Variants in CRX observed in about 807,000 individuals in gnomAD.
CRX encodes the protein cone-rod homeobox protein.
A neutral mutation model predicts 13.1 loss-of-function variants in CRX; 5 were observed. The observed-to-expected ratio is 0.38, with a 90% CI of 0.20 to 0.80. The LOEUF (loss-of-function observed/expected upper bound fraction) is 0.80. Ranked by LOEUF, CRX falls within the 30% of genes least tolerant of loss-of-function variation. CRX has a pLI of 0.43. For missense variants in CRX, 351 were observed against 391.8 expected, an observed-to-expected ratio of 0.90 and a Z score of 0.88; for synonymous variants, 179 against 171.1, an observed-to-expected ratio of 1.05 and a Z score of -0.36.
At chr19:47,829,826 C>A (rs12985036) in intron 1 of CRX, among the ~76,000 whole-genome samples, 1 of 147,294 alleles carries the variant, frequency 6.8e-6, no homozygotes, top group African/African-American at 2.5e-5. Flanking sequence ...GTGGAGACAG[C>A]GTTTTGCCAT....
rs906175654 is a variant in CRX at position 47,841,946 on chromosome 19, A to T, written c.*1979A>T. 2 of 152,044 alleles carry T rather than the reference A, an allele frequency of 1.3e-5. No homozygotes were observed. The highest frequency in any genetic ancestry group is 4.8e-5 in the African/African-American group (2 of 41,370). The allele number at this position is 152,044 out of a possible 1,614,324, so 9.4% of individuals were successfully genotyped here. On this transcript the variant is annotated 3_prime_UTR_variant, in exon 4 of 4. Coordinates refer to ENST00000221996, the MANE Select transcript of CRX (RefSeq NM_000554.6). The stretch of plus-strand genomic sequence containing the variant: ...AGGAAGAGGAAAAGGTTGGTTGTGG[A>T]GTGTTTGTCAGTTTCCGTGGTGTAA...
intron 3 of CRX, among the ~76,000 whole-genome samples, chr19:47,838,227 TG>T (rs35674030): frequency 0.18 from 26,840 of 152,094 alleles, 2,629 homozygotes; most frequent in Non-Finnish European, 0.22. Flanking sequence ...CATGTGTGTA[TG>T]GTGTATGCAT....
At position 47,836,428 on chromosome 19, in the gene CRX, C is replaced by T. The variant is rs372454643; in HGVS notation, c.252+34C>T. 1.9e-5 allele frequency: 31 copies of T among 1,613,940 alleles called. No individual in the cohort carries two copies. The African/African-American group carries it at 3.9e-4, about 20-fold the overall frequency. On this transcript the variant is annotated intron_variant, in intron 3 of 3. Transcript: ENST00000221996. The stretch of plus-strand genomic sequence containing the variant: ...GTGGGTCCCTGGACCCCTCCCGACA[C>T]TTCCTGTGATCTCAGGAGGCCTGCC...
rs536401910 is a variant in CRX, at chr19:47,839,343, T to G, written c.276T>G (p.Ala92=). Reference sequence around the variant, plus strand: ...AGGTTTGGTTCAAGAACCGGAGGGCTAAATGCAGGCAGCAGCGACAGCAGC... The same window carrying G: ...AGGTTTGGTTCAAGAACCGGAGGGCGAAATGCAGGCAGCAGCGACAGCAGC... The part of the protein sequence containing the change: ...RVQVWFKNRR[A]KCRQQRQQQK... Residue 92 remains alanine, a synonymous_variant, in exon 4 of 4, where the codon GCT becomes GCG. Transcript: ENST00000221996. This position sits in a 1 kb window ranked among gnomAD's most constrained non-coding sequence, Gnocchi z 4.6. 3.5e-5 allele frequency: 57 copies of G among 1,613,472 alleles called. No individual in the cohort carries two copies. The East Asian group carries it at 9.8e-4, about 28-fold the overall frequency.
At chr19:47,833,040 T>C (rs1968072317) in intron 1 of CRX, among the ~76,000 whole-genome samples, 2 of 120,390 alleles carry the variant, frequency 1.7e-5, no homozygotes, top group African/African-American at 3.1e-5. Flanking sequence ...TTTTTTTTTT[T>C]TTTTTTTTTT....
intron 1 of CRX, among the ~76,000 whole-genome samples, chr19:47,825,083 C>T (rs546174356): frequency 2.1e-4 from 31 of 149,300 alleles, no homozygotes; most frequent in Admixed American, 8.1e-4. Context: ...CTCCGCCTCC[C>T]GAGTTCAAGA....
At position 47,839,232 on chromosome 19, in the gene CRX, CA is replaced by C; in HGVS notation, c.253-86del. 7.1e-7 allele frequency: 1 copy of C among 1,416,116 alleles called. No individual in the cohort carries two copies. Among genetic ancestry groups the C allele is most frequent in the Non-Finnish European group, 9.6e-7 (1 of 1,038,328 alleles). The allele number at this position is 1,416,116 out of a possible 1,614,324, so 87.7% of individuals were successfully genotyped here. A position where few individuals can be genotyped will look rare whatever the true frequency, so the allele number is the denominator to read the frequency against. On this transcript the variant is annotated intron_variant, in intron 3 of 3. Transcript: ENST00000221996. This position sits in a 1 kb window ranked among gnomAD's most constrained non-coding sequence, Gnocchi z 4.6. Reference sequence around the variant, plus strand: ...CAGATGTGAACCCAGCACCTCTCACCAATAAGTGTCCTCATCCCCGGGCACC... The same window carrying C: ...CAGATGTGAACCCAGCACCTCTCACCATAAGTGTCCTCATCCCCGGGCACC...
At position 47,839,365 on chromosome 19, in the gene CRX, C is replaced by A; in HGVS notation, c.298C>A (p.Gln100Lys). 1 of 1,613,584 alleles carries A rather than the reference C, an allele frequency of 6.2e-7. No individual in the cohort carries two copies. The highest frequency in any genetic ancestry group is 1.1e-5 in the South Asian group (1 of 91,066). ...RRAKCRQQRQ[Q>K]QKQQQQPPGG... ...GGCTAAATGCAGGCAGCAGCGACAG[C>A]AGCAGAAACAGCAGCAGCAGCCCCC... The change falls in exon 4 of 4, where the codon CAG becomes AAG. Residue 100 changes from glutamine to lysine, a missense_variant. Gln to Lys is a moderately conservative substitution (Grantham distance 53). Around this residue, in one of 3 missense-constraint regions of CRX, gnomAD observed 253 missense variants for 268.3 expected, o/e 0.94. Coordinates refer to ENST00000221996, the MANE Select transcript of CRX (RefSeq NM_000554.6). This position sits in a 1 kb window ranked among gnomAD's most constrained non-coding sequence, Gnocchi z 4.6.
In CRX at chr19:47,834,436, C is replaced by T. The variant is rs371111993; in HGVS notation, c.-8C>T. ...CCCCTGACTTGGGCCTCAGTGTCCC[C>T]GAAGATCATGATGGCGTATATGAAC... On this transcript the variant is annotated 5_prime_UTR_variant, in exon 2 of 4. Coordinates refer to ENST00000221996, the MANE Select transcript of CRX (RefSeq NM_000554.6). 27 of 1,612,088 alleles carry T rather than the reference C, an allele frequency of 1.7e-5. No homozygotes were observed. The highest frequency in any genetic ancestry group is 8.0e-5 in the African/African-American group (6 of 74,874).
At chr19:47,831,891 T>C (rs1599978059) in intron 1 of CRX, among the ~76,000 whole-genome samples, 2 of 144,276 alleles carry the variant, frequency 1.4e-5, no homozygotes, top group African/African-American at 2.6e-5. Context: ...TACAGGCGCC[T>C]GCCACCACGC....
At chr19:47,835,696 A>G (rs1218654051) in intron 2 of CRX, among the ~76,000 whole-genome samples, 2 of 135,834 alleles carry the variant, frequency 1.5e-5, no homozygotes, top group African/African-American at 2.9e-5. Context: ...ATCTTGGCTC[A>G]CTGCAACCTC....
chr19:47,843,220 G>T lies in CRX; in HGVS notation c.*3253G>T, dbSNP rs1386503613. ...GAAGGAAGAAGCCAGGAGCCTCCCT[G>T]AGAAGGTGTCACCTTATCTGTCCTC... On this transcript the variant is annotated 3_prime_UTR_variant, in exon 4 of 4. Coordinates refer to ENST00000221996, the MANE Select transcript of CRX (RefSeq NM_000554.6). 1 of 152,328 alleles carries T rather than the reference G, an allele frequency of 6.6e-6. No homozygotes were observed. The highest frequency in any genetic ancestry group is 2.4e-5 in the African/African-American group (1 of 41,454). 9.4% of individuals were successfully genotyped at this position (152,328 alleles called of 1,614,324 possible). A position where few individuals can be genotyped will look rare whatever the true frequency, so the allele number is the denominator to read the frequency against.
intron 1 of CRX, among the ~76,000 whole-genome samples, chr19:47,831,306 C>CAAA (rs5828320): frequency 6.9e-4 from 54 of 78,310 alleles, no homozygotes; most frequent in Non-Finnish European, 7.9e-4. Context: ...GACTCTGTCT[C>CAAA]AAAAAAAAAA....
Position 47,839,242 on chromosome 19 carries a change from C to T in CRX, c.253-78C>T, listed in dbSNP as rs1968158663. ...CCCAGCACCTCTCACCAATAAGTGTCCTCATCCCCGGGCACCCTGCGGCTC... is the reference window on the plus strand; with the variant it reads ...CCCAGCACCTCTCACCAATAAGTGTTCTCATCCCCGGGCACCCTGCGGCTC... On this transcript the variant is annotated intron_variant, in intron 3 of 3. Coordinates refer to ENST00000221996, the MANE Select transcript of CRX (RefSeq NM_000554.6). This position sits in a 1 kb window ranked among gnomAD's most constrained non-coding sequence, Gnocchi z 4.6. The T allele has an allele frequency of 2.0e-6, 3 of 1,485,394 alleles. No homozygotes were observed. The highest frequency in any genetic ancestry group is 2.7e-6 in the Non-Finnish European group (3 of 1,094,806). 92.0% of individuals were successfully genotyped at this position (1,485,394 alleles called of 1,614,324 possible). A position where few individuals can be genotyped will look rare whatever the true frequency, so the allele number is the denominator to read the frequency against.
In CRX at chr19:47,843,246, C is replaced by T. The variant is rs11666316; in HGVS notation, c.*3279C>T. 0.3 allele frequency: 45,886 copies of T among 152,100 alleles called. 7,922 individuals carry two copies. The highest frequency in any genetic ancestry group is 0.4 in the Non-Finnish European group (27,132 of 67,964). 9.4% of individuals were successfully genotyped at this position (152,100 alleles called of 1,614,324 possible). A position where few individuals can be genotyped will look rare whatever the true frequency, so the allele number is the denominator to read the frequency against. On this transcript the variant is annotated 3_prime_UTR_variant, in exon 4 of 4. Transcript: ENST00000221996. ...AGAAGGTGTCACCTTATCTGTCCTC[C>T]TCTTCCCCACACACTGGCCTCTGGG...
intron 1 of CRX, among the ~76,000 whole-genome samples, chr19:47,833,529 A>C (rs182817178): frequency 1.3e-5 from 2 of 148,460 alleles, no homozygotes; most frequent in Non-Finnish European, 3.0e-5. Context: ...TGATCCATCC[A>C]TCTCAGCCTC....
intron 3 of CRX, among the ~76,000 whole-genome samples, chr19:47,838,355 G>C (rs528912269): frequency 6.6e-6 from 1 of 152,036 alleles, no homozygotes; most frequent in South Asian, 2.1e-4. Context: ...ATGAGTGTAC[G>C]CATGTATATA....
chr19:47,832,951 C>T (rs1968070776), intron 1 of CRX, among the ~76,000 whole-genome samples: 1 of 152,004 alleles, frequency 6.6e-6, no homozygotes, highest in African/African-American at 2.4e-5. Flanking sequence ...CACACTGACA[C>T]CAGTGCTGGA....
At position 47,821,959 on chromosome 19, in the gene CRX, C is replaced by T. The variant is rs1170172222; in HGVS notation, c.-87C>T. On this transcript the variant is annotated 5_prime_UTR_variant, in exon 1 of 4. Coordinates refer to ENST00000221996, the MANE Select transcript of CRX (RefSeq NM_000554.6). ...TTTCCTTCAGCCTCTGCTGTCTGGC[C>T]GCTCTGTCTAGGTCCTGGGCCACGG... The T allele has an allele frequency of 1.3e-5, 2 of 152,708 alleles. No homozygotes were observed. Among genetic ancestry groups the T allele is most frequent in the South Asian group, 2.1e-4 (1 of 4,832 alleles). The allele number at this position is 152,708 out of a possible 1,614,324, so 9.5% of individuals were successfully genotyped here. A position where few individuals can be genotyped will look rare whatever the true frequency, so the allele number is the denominator to read the frequency against.
Sources: gnomAD v4.1 joint callset for allele counts (sites outside exome capture counted in the v4.1 genomes callset) on GRCh38, gnomAD v4.1.1 for gene constraint, gnomAD v4.1.1 regional missense constraint, Gnocchi (gnomAD v3.1) non-coding constraint, MANE v1.5 for transcripts, NCBI Gene and HGNC (gene_info 2026-07-23, HGNC 2026-07-21) for gene names.